The following ADIPOR2 variants were observed in gnomAD, a reference collection of about 807,000 sequenced individuals.
ADIPOR2 encodes adiponectin receptor protein 2.
A neutral mutation model predicts 40.9 loss-of-function variants in ADIPOR2; 18 were observed. The ratio of observed to expected loss-of-function variants is 0.44; its 90% CI spans 0.30 to 0.65. The LOEUF (loss-of-function observed/expected upper bound fraction) is 0.65, where lower values mean the gene tolerates loss of function less well. Ranked by LOEUF, ADIPOR2 falls within the 30% of genes least tolerant of loss-of-function variation. The probability of loss-of-function intolerance (pLI) is 0.09; values close to 1 mark genes in which losing one functional copy is unlikely to be tolerated. For synonymous variants in ADIPOR2, 165 were observed against 166.4 expected (o/e 0.99, Z 0.06); for missense variants, 283 against 479.2 (o/e 0.59, Z 3.82).
chr12:1,695,034 T>C (rs12369873), intron 1 of ADIPOR2, among the ~76,000 whole-genome samples: 6 of 81,142 alleles, frequency 7.4e-5, no homozygotes, highest in Non-Finnish European at 1.7e-4. Flanking sequence ...TTTTGTTTTG[T>C]TTTTTTAAGA....
At chr12:1,769,333 T>G (rs1862449221) in intron 2 of ADIPOR2, among the ~76,000 whole-genome samples, 1 of 152,194 alleles carries the variant, frequency 6.6e-6, no homozygotes, top group Non-Finnish European at 1.5e-5. Flanking sequence ...ATCCTCTCTC[T>G]AACCCAGGGA....
intron 1 of ADIPOR2, among the ~76,000 whole-genome samples, chr12:1,727,766 C>A (rs1170833915): frequency 6.6e-6 from 1 of 151,934 alleles, no homozygotes; most frequent in Admixed American, 6.6e-5. Flanking sequence ...AACTTCTGAA[C>A]TCACCACTTT....
chr12:1,708,199 T>G (rs2094667670), intron 1 of ADIPOR2, among the ~76,000 whole-genome samples: 1 of 151,916 alleles, frequency 6.6e-6, no homozygotes, highest in Admixed American at 6.6e-5. Context: ...TTTTTTTTTT[T>G]TAAATAAGGG....
At chr12:1,742,150 TGGTGC>T (rs1162927953) in intron 1 of ADIPOR2, among the ~76,000 whole-genome samples, 1 of 152,214 alleles carries the variant, frequency 6.6e-6, no homozygotes, top group Non-Finnish European at 1.5e-5. Flanking sequence ...TGAAGTGCAG[TGGTGC>T]GATCACAGCT....
chr12:1,711,430 G>A (rs946155156), intron 1 of ADIPOR2, among the ~76,000 whole-genome samples: 1 of 152,044 alleles, frequency 6.6e-6, no homozygotes, highest in Non-Finnish European at 1.5e-5. Context: ...GTTAATGTTG[G>A]GACTTAGGAA....
At chr12:1,694,399 T>C (rs2094633696) in intron 1 of ADIPOR2, among the ~76,000 whole-genome samples, 1 of 152,252 alleles carries the variant, frequency 6.6e-6, no homozygotes, top group Admixed American at 6.5e-5. Context: ...AAATCTCTGA[T>C]ATAAATGGCA....
At chr12:1,747,038 C>A (rs1030357190) in intron 1 of ADIPOR2, among the ~76,000 whole-genome samples, 2 of 149,250 alleles carry the variant, frequency 1.3e-5, no homozygotes, top group African/African-American at 2.5e-5. Context: ...TTGTCTCCCC[C>A]ACTAACTCCA....
chr12:1,767,334 A>AT (rs1247330275), intron 2 of ADIPOR2, among the ~76,000 whole-genome samples: 1 of 150,210 alleles, frequency 6.7e-6, no homozygotes, highest in Non-Finnish European at 1.5e-5. Flanking sequence ...AAACTGAGTG[A>AT]TTTTAAAGAT....
At position 1,777,847 on chromosome 12, in the gene ADIPOR2, C is replaced by G; in HGVS notation, c.292-7C>G. ...CACAAAGATGTTTGATAATACCTCTCTGCCAGGTATGGGAAGGTCGGTGGC... is the reference window on the plus strand; with the variant it reads ...CACAAAGATGTTTGATAATACCTCTGTGCCAGGTATGGGAAGGTCGGTGGC... On this transcript the variant is annotated splice_polypyrimidine_tract_variant and splice_region_variant and intron_variant, in intron 3 of 7. Coordinates refer to ENST00000357103, the MANE Select transcript of ADIPOR2 (RefSeq NM_024551.3). The G allele has an allele frequency of 1.2e-6, 2 of 1,606,180 alleles. No homozygotes were observed. Among genetic ancestry groups the G allele is most frequent in the Non-Finnish European group, 1.7e-6 (2 of 1,176,254 alleles).
chr12:1,770,385 A>C (rs1444064768), intron 2 of ADIPOR2, among the ~76,000 whole-genome samples: 1 of 152,254 alleles, frequency 6.6e-6, no homozygotes, highest in South Asian at 2.1e-4. Flanking sequence ...TTGTATGAGA[A>C]TAAAGACTCT....
At position 1,784,084 on chromosome 12, in the gene ADIPOR2, C is replaced by T. The variant is rs771567499; in HGVS notation, c.1032+11C>T. 40 of 1,564,884 alleles carry T rather than the reference C, an allele frequency of 2.6e-5. No homozygotes were observed. In the South Asian group the frequency reaches 3.0e-4, roughly 12 times the overall value. On this transcript the variant is annotated intron_variant, in intron 7 of 7. Coordinates refer to ENST00000357103, the MANE Select transcript of ADIPOR2 (RefSeq NM_024551.3). ...AAATGTGACATCTGGGTAAGTATGT[C>T]GGGGTGACTGAGTGTGTAGGTATCT...
intron 1 of ADIPOR2, among the ~76,000 whole-genome samples, chr12:1,717,245 A>G (rs573146182): frequency 6.6e-6 from 1 of 152,246 alleles, no homozygotes; most frequent in South Asian, 2.1e-4. Flanking sequence ...GAATTTTCAG[A>G]CTGTTTAAAG....
intron 2 of ADIPOR2, among the ~76,000 whole-genome samples, chr12:1,755,749 A>C (rs567251924): frequency 1.3e-5 from 2 of 152,332 alleles, no homozygotes; most frequent in African/African-American, 4.8e-5. Context: ...TTACTAGTAC[A>C]GTGTTTCTCA....
intron 1 of ADIPOR2, among the ~76,000 whole-genome samples, chr12:1,727,370 A>T (rs541631716): frequency 6.6e-6 from 1 of 152,360 alleles, no homozygotes; most frequent in South Asian, 2.1e-4. Context: ...TTGTGAGAAC[A>T]TACTTTTTAA....
rs146844773 is a variant in ADIPOR2, at chr12:1,759,616, G to A, written c.171+5102G>A. 1.7e-3 allele frequency among the ~76,000 whole-genome samples: 252 copies of A among 152,202 alleles called. 1 individual carries two copies. Among genetic ancestry groups the A allele is most frequent in the Non-Finnish European group, 2.9e-3 (199 of 68,006 alleles). Reference sequence around the variant, plus strand: ...AGGAGTGCCCACCTGATCACATATTGCCCTTTATAGAAAACTACAAATGCC... The same window carrying A: ...AGGAGTGCCCACCTGATCACATATTACCCTTTATAGAAAACTACAAATGCC... On this transcript the variant is annotated intron_variant, in intron 2 of 7. Coordinates refer to ENST00000357103, the MANE Select transcript of ADIPOR2 (RefSeq NM_024551.3).
intron 2 of ADIPOR2, 134 bp from the exon 3 acceptor site, chr12:1,772,708 C>G: frequency 9.1e-7 from 1 of 1,096,918 alleles, no homozygotes; most frequent in Non-Finnish European, 1.3e-6. Context: ...AACTGACTTA[C>G]TATATTGTTG....
intron 1 of ADIPOR2, among the ~76,000 whole-genome samples, chr12:1,752,763 C>G (rs988460173): frequency 6.6e-6 from 1 of 152,152 alleles, no homozygotes; most frequent in Admixed American, 6.5e-5. Flanking sequence ...TGTTGATTCT[C>G]AGTAAATGTT....
At position 1,784,022 on chromosome 12, in the gene ADIPOR2, G is replaced by A; in HGVS notation, c.981G>A (p.Leu327=). Residue 327 remains leucine (L), a synonymous_variant, in exon 7 of 8, where the codon CTG becomes CTA. Coordinates refer to ENST00000357103, the MANE Select transcript of ADIPOR2 (RefSeq NM_024551.3). ...MASLYITGAA[L]YAARIPERFF... is the part of the protein sequence containing the mutation. ...GCCTCTACATCACAGGAGCTGCCCT[G>A]TATGCTGCCCGGATCCCCGAACGCT... 1 of 1,610,774 alleles carries A rather than the reference G, an allele frequency of 6.2e-7. No individual in the cohort carries two copies. Among genetic ancestry groups the A allele is most frequent in the Non-Finnish European group, 8.5e-7 (1 of 1,178,270 alleles).
chr12:1,732,373 C>T (rs960998194), intron 1 of ADIPOR2, among the ~76,000 whole-genome samples: 10 of 152,132 alleles, frequency 6.6e-5, no homozygotes, highest in African/African-American at 2.2e-4. Context: ...TTAGTTTTGT[C>T]TTTTCCAAAA....
Sources: allele counts gnomAD v4.1 joint callset (sites outside exome capture counted in the v4.1 genomes callset), GRCh38; gene constraint gnomAD v4.1.1; transcripts MANE v1.5; gene names NCBI Gene and HGNC (gene_info 2026-07-23, HGNC 2026-07-21).